EIPR1: variants seen among roughly 807,000 people sequenced by gnomAD.
The protein encoded by EIPR1 is EARP complex and GARP complex interacting protein 1.
In EIPR1, 25 loss-of-function variants were observed where a neutral mutation model predicts 48.1. The ratio of observed to expected loss-of-function variants is 0.52; its 90% CI spans 0.38 to 0.73. EIPR1 has a LOEUF of 0.73. EIPR1 is among the 30% of genes least tolerant of loss of function. EIPR1 has a pLI of 0.00. For synonymous variants in EIPR1, 204 were observed against 201.9 expected (o/e 1.01, Z -0.09); for missense variants, 415 against 506.2 (o/e 0.82, Z 1.73).
At chr2:3,376,690 CA>C (rs67873034) in intron 1 of EIPR1, among the ~76,000 whole-genome samples, 87,438 of 124,898 alleles carry the variant, frequency 0.7, 29,414 homozygotes, top group Admixed American at 0.78. Flanking sequence ...GACTCCATCT[CA>C]AAAAAAAAAA....
chr2:3,343,288 C>T (rs1347421283), intron 2 of EIPR1, among the ~76,000 whole-genome samples: 5 of 152,226 alleles, frequency 3.3e-5, no homozygotes, highest in Non-Finnish European at 7.3e-5. Flanking sequence ...CCACCCTACA[C>T]CCAGCTCACC....
chr2:3,226,109 AG>A (rs1299014671), intron 4 of EIPR1, among the ~76,000 whole-genome samples: 1 of 152,228 alleles, frequency 6.6e-6, no homozygotes, highest in Non-Finnish European at 1.5e-5. Flanking sequence ...ATGGAGGTGC[AG>A]GGATCTCTTT....
At chr2:3,193,890 T>C in intron 7 of EIPR1, 109 bp downstream of exon 7, 1 of 1,249,976 alleles carries the variant, frequency 8.0e-7, no homozygotes, top group Non-Finnish European at 1.1e-6. Flanking sequence ...GATTGAATGA[T>C]TCACAGCAGC....
intron 1 of EIPR1, among the ~76,000 whole-genome samples, chr2:3,362,026 G>C (rs1670863295): frequency 6.6e-6 from 1 of 152,240 alleles, no homozygotes; most frequent in Admixed American, 6.5e-5. Flanking sequence ...TTAGGCCCAT[G>C]CTTTCCAAAT....
intron 3 of EIPR1, among the ~76,000 whole-genome samples, chr2:3,263,661 C>T (rs1231474108): frequency 5.3e-5 from 8 of 151,972 alleles, no homozygotes; most frequent in African/African-American, 1.2e-4. Context: ...GGAGGTGGCA[C>T]GGTGCGGCCA....
At chr2:3,250,465 A>G (rs1666968123) in intron 4 of EIPR1, among the ~76,000 whole-genome samples, 2 of 152,184 alleles carry the variant, frequency 1.3e-5, no homozygotes, top group Admixed American at 6.5e-5. Context: ...TTTACAGCCC[A>G]TACCTTGAGT....
intron 1 of EIPR1, among the ~76,000 whole-genome samples, chr2:3,367,741 A>G (rs1169719343): frequency 6.6e-6 from 1 of 152,224 alleles, no homozygotes; most frequent in Non-Finnish European, 1.5e-5. Context: ...ATGGATATAA[A>G]AAGGCATTTG....
chr2:3,270,661 T>A (rs1667677376), intron 3 of EIPR1, among the ~76,000 whole-genome samples: 1 of 152,264 alleles, frequency 6.6e-6, no homozygotes, highest in South Asian at 2.1e-4. Flanking sequence ...TGGGAATATC[T>A]TGATTTTAAA....
intron 2 of EIPR1, among the ~76,000 whole-genome samples, chr2:3,345,460 A>G (rs987457425): frequency 1.4e-5 from 2 of 145,254 alleles, no homozygotes; most frequent in Admixed American, 6.9e-5. Flanking sequence ...CCCCGTCTCT[A>G]CTAAAAATAT....
At position 3,286,486 on chromosome 2, in the gene EIPR1, G is replaced by A. The variant is rs1012442803; in HGVS notation, c.260-29031C>T. On this transcript the variant is annotated intron_variant, in intron 3 of 8. Coordinates refer to ENST00000382125, the MANE Select transcript of EIPR1 (RefSeq NM_003310.5). This position sits in a 1 kb window ranked among gnomAD's most constrained non-coding sequence, Gnocchi z 4.2. ...TGTCCTGGGCACATGGGAAGACCGA[G>A]AGGTGAGGGACACTTGGTGTCCGTG... 6.6e-6 allele frequency among the ~76,000 whole-genome samples: 1 copy of A among 152,234 alleles called. No homozygotes were observed. Among genetic ancestry groups the A allele is most frequent in the African/African-American group, 2.4e-5 (1 of 41,462 alleles).
chr2:3,339,073 TGG>T (rs1233917191), intron 2 of EIPR1, among the ~76,000 whole-genome samples: 1 of 152,270 alleles, frequency 6.6e-6, no homozygotes, highest in African/African-American at 2.4e-5. Flanking sequence ...TGACGCCATT[TGG>T]TGTACTGTAG....
At chr2:3,306,388 A>G (rs1572420870) in intron 3 of EIPR1, among the ~76,000 whole-genome samples, 1 of 152,224 alleles carries the variant, frequency 6.6e-6, no homozygotes, top group East Asian at 1.9e-4. Context: ...ATCATATATT[A>G]CTTTTTGTCA....
chr2:3,324,076 C>T (rs547108136), intron 3 of EIPR1, among the ~76,000 whole-genome samples: 3 of 152,236 alleles, frequency 2.0e-5, no homozygotes, highest in Non-Finnish European at 2.9e-5. Flanking sequence ...GTTATGCACA[C>T]GGCCTTCTCT....
At chr2:3,209,459 C>T (rs1457497524) in intron 5 of EIPR1, among the ~76,000 whole-genome samples, 2 of 152,170 alleles carry the variant, frequency 1.3e-5, no homozygotes, top group African/African-American at 2.4e-5. Flanking sequence ...GGCGAGGGTG[C>T]GTGGAAGGAG....
intron 3 of EIPR1, among the ~76,000 whole-genome samples, chr2:3,265,195 G>A (rs1394895195): frequency 1.6e-5 from 1 of 64,216 alleles, no homozygotes; most frequent in African/African-American, 6.7e-5. Flanking sequence ...CATTAGAGGG[G>A]TGTGCAGGCA....
chr2:3,204,399 G>T (rs1211554100), intron 5 of EIPR1, among the ~76,000 whole-genome samples: 1 of 152,224 alleles, frequency 6.6e-6, no homozygotes, highest in Admixed American at 6.5e-5. Flanking sequence ...ATTTCTGAGG[G>T]TCTACTCAGG....
chr2:3,257,106 C>A (rs1572363337), intron 4 of EIPR1, among the ~76,000 whole-genome samples, 193 bp downstream of exon 4: 1 of 152,160 alleles, frequency 6.6e-6, no homozygotes, highest in African/African-American at 2.4e-5. Flanking sequence ...GGCGCGCTGG[C>A]TACATTTCTG....
intron 1 of EIPR1, among the ~76,000 whole-genome samples, chr2:3,367,562 G>C (rs1227394433): frequency 6.6e-6 from 1 of 152,094 alleles, no homozygotes; most frequent in Non-Finnish European, 1.5e-5. Context: ...ATATTAACGT[G>C]AAAATTTTCA....
At chr2:3,279,373 C>T (rs368913082) in intron 3 of EIPR1, among the ~76,000 whole-genome samples, 2 of 152,258 alleles carry the variant, frequency 1.3e-5, no homozygotes, top group South Asian at 2.1e-4. Context: ...GGGAAGAGGT[C>T]GGAATAGTCT....
Sources: gnomAD v4.1 joint callset for allele counts (sites outside exome capture counted in the v4.1 genomes callset) on GRCh38, gnomAD v4.1.1 for gene constraint, Gnocchi (gnomAD v3.1) non-coding constraint, MANE v1.5 for transcripts, NCBI Gene and HGNC (gene_info 2026-07-23, HGNC 2026-07-21) for gene names.